The following PDSS2 variants were observed in gnomAD, a reference collection of about 807,000 sequenced individuals.
The protein encoded by PDSS2 is decaprenyl diphosphate synthase subunit 2.
Under a neutral mutation model 44.5 loss-of-function variants are expected in PDSS2, and 31 were observed. The observed-to-expected ratio is 0.70, with a 90% CI of 0.52 to 0.94. The LOEUF (loss-of-function observed/expected upper bound fraction) is 0.94. Ranked by LOEUF, PDSS2 falls within the 40% of genes least tolerant of loss-of-function variation. The pLI is 0.00. For synonymous variants in PDSS2, 157 were observed against 180.3 expected, an observed-to-expected ratio of 0.87 and a Z score of 1.03; for missense variants, 452 against 482.2, an observed-to-expected ratio of 0.94 and a Z score of 0.59.
intron 1 of PDSS2, among the ~76,000 whole-genome samples, chr6:107,458,757 C>A (rs1782140472): frequency 6.6e-6 from 1 of 151,968 alleles, no homozygotes; most frequent in African/African-American, 2.4e-5. Context: ...GAAGCAAAAT[C>A]GAGGAAAGCA....
chr6:107,293,023 G>A (rs1225757161), intron 2 of PDSS2, among the ~76,000 whole-genome samples: 1 of 152,220 alleles, frequency 6.6e-6, no homozygotes, highest in Non-Finnish European at 1.5e-5. Context: ...TATCAATTCG[G>A]TTTATCAGAT....
chr6:107,397,797 T>G (rs1351756810), intron 1 of PDSS2, among the ~76,000 whole-genome samples: 1 of 152,230 alleles, frequency 6.6e-6, no homozygotes, highest in African/African-American at 2.4e-5. Flanking sequence ...TATCAGCCAC[T>G]ATAAACTTGA....
At chr6:107,397,855 A>G (rs1042241098) in intron 1 of PDSS2, among the ~76,000 whole-genome samples, 5 of 152,228 alleles carry the variant, frequency 3.3e-5, no homozygotes, top group Admixed American at 3.3e-4. Flanking sequence ...CAGTGGTGAT[A>G]CTAATAAATA....
At chr6:107,432,147 G>A (rs1781211263) in intron 1 of PDSS2, among the ~76,000 whole-genome samples, 1 of 152,154 alleles carries the variant, frequency 6.6e-6, no homozygotes, top group Admixed American at 6.5e-5. Context: ...CAAACAGGTG[G>A]CAGAATAATA....
chr6:107,224,685 C>T (rs1219793270), intron 4 of PDSS2, among the ~76,000 whole-genome samples: 1 of 151,302 alleles, frequency 6.6e-6, no homozygotes, highest in Admixed American at 6.6e-5. Flanking sequence ...CTGCTGAAAG[C>T]ATTCCAATGA....
Position 107,170,220 on chromosome 6 carries a change from C to T in PDSS2, c.1042-15443G>A, listed in dbSNP as rs561287037. Among the ~76,000 whole-genome samples the T allele has an allele frequency of 5.3e-5, 8 of 152,280 alleles. No homozygotes were observed. In the East Asian group the frequency reaches 1.5e-3, roughly 29 times the overall value. On this transcript the variant is annotated intron_variant, in intron 7 of 7. Coordinates refer to ENST00000369037, the MANE Select transcript of PDSS2 (RefSeq NM_020381.4). ...CCTTGTTGCTGCCTTGCAGTTCAATCTCAGACTGCTGTGCTAGCAATGAGC... is the reference window on the plus strand; with the variant it reads ...CCTTGTTGCTGCCTTGCAGTTCAATTTCAGACTGCTGTGCTAGCAATGAGC...
chr6:107,267,569 G>A (rs1194984687), intron 3 of PDSS2, among the ~76,000 whole-genome samples: 1 of 150,318 alleles, frequency 6.7e-6, no homozygotes, highest in Non-Finnish European at 1.5e-5. Context: ...GAATTGGAGA[G>A]AGACATCAGA....
At chr6:107,433,225 C>T (rs1302289669) in intron 1 of PDSS2, among the ~76,000 whole-genome samples, 1 of 150,936 alleles carries the variant, frequency 6.6e-6, no homozygotes, top group African/African-American at 2.4e-5. Flanking sequence ...CAAAAGCAAC[C>T]TACAGATTCA....
At chr6:107,427,994 T>C (rs1286778266) in intron 1 of PDSS2, among the ~76,000 whole-genome samples, 1 of 152,214 alleles carries the variant, frequency 6.6e-6, no homozygotes, top group Non-Finnish European at 1.5e-5. Flanking sequence ...TTTACAGAGG[T>C]TGTGCACCAG....
intron 1 of PDSS2, among the ~76,000 whole-genome samples, chr6:107,372,983 C>CTTTT (rs11330558): frequency 7.4e-6 from 1 of 136,032 alleles, no homozygotes; most frequent in Non-Finnish European, 1.6e-5. Context: ...GTCTAATAAT[C>CTTTT]TTTTTTTTTT....
chr6:107,175,252 T>C (rs936121711), intron 7 of PDSS2, among the ~76,000 whole-genome samples: 12 of 151,744 alleles, frequency 7.9e-5, no homozygotes, highest in African/African-American at 2.7e-4. Flanking sequence ...TCTCGCTCTA[T>C]CTGTATCTAT....
intron 6 of PDSS2, 61 bp from the exon 7 acceptor site, chr6:107,193,915 T>G: frequency 9.2e-7 from 1 of 1,089,416 alleles, no homozygotes; most frequent in Non-Finnish European, 1.4e-6. Flanking sequence ...GCTTCTATAA[T>G]TTTTGCTTCT....
chr6:107,275,913 A>G (rs184311950), intron 2 of PDSS2, among the ~76,000 whole-genome samples: 1 of 152,254 alleles, frequency 6.6e-6, no homozygotes, highest in East Asian at 1.9e-4. Context: ...CAGGAGTTCA[A>G]CATCAGTTCA....
intron 1 of PDSS2, among the ~76,000 whole-genome samples, chr6:107,363,906 T>C (rs1778869627): frequency 6.6e-6 from 1 of 152,170 alleles, no homozygotes; most frequent in Non-Finnish European, 1.5e-5. Flanking sequence ...TGTCGATTGG[T>C]GCACTCACAA....
intron 7 of PDSS2, among the ~76,000 whole-genome samples, chr6:107,172,660 G>T (rs1294014856): frequency 1.3e-5 from 2 of 152,116 alleles, no homozygotes; most frequent in East Asian, 1.9e-4. Context: ...TTCAAAAAGG[G>T]TTGTTAAACA....
At chr6:107,379,320 GACAT>G (rs1428428453) in intron 1 of PDSS2, among the ~76,000 whole-genome samples, 1 of 152,114 alleles carries the variant, frequency 6.6e-6, no homozygotes, top group South Asian at 2.1e-4. Context: ...TTTGTGACCT[GACAT>G]ACAATCAAGT....
intron 3 of PDSS2, among the ~76,000 whole-genome samples, chr6:107,254,285 G>T (rs1012107684): frequency 1.3e-5 from 2 of 151,864 alleles, no homozygotes; most frequent in African/African-American, 4.8e-5. Context: ...GCCCACCTTG[G>T]CTTCCCAAAG....
intron 3 of PDSS2, among the ~76,000 whole-genome samples, chr6:107,254,061 T>A (rs1774920413): frequency 6.8e-6 from 1 of 146,402 alleles, no homozygotes; most frequent in African/African-American, 2.5e-5. Flanking sequence ...TGAGACAGAG[T>A]CTCACTCTGT....
chr6:107,417,448 A>G (rs1583058750), intron 1 of PDSS2, among the ~76,000 whole-genome samples: 1 of 152,170 alleles, frequency 6.6e-6, no homozygotes. Flanking sequence ...CATCCACATC[A>G]TGGAATCTAT....
Sources: allele counts gnomAD v4.1 joint callset (sites outside exome capture counted in the v4.1 genomes callset), GRCh38; gene constraint gnomAD v4.1.1; transcripts MANE v1.5; gene names NCBI Gene and HGNC (gene_info 2026-07-23, HGNC 2026-07-21).